ZBTB20: variants seen among roughly 807,000 people sequenced by gnomAD.
The protein encoded by ZBTB20 is zinc finger and BTB domain-containing protein 20.
A neutral mutation model predicts 56.9 loss-of-function variants in ZBTB20; 9 were observed. The observed-to-expected ratio is 0.16, with a 90% CI of 0.10 to 0.28. The LOEUF (loss-of-function observed/expected upper bound fraction) is 0.28, where lower values mean the gene tolerates loss of function less well. ZBTB20 is among the 10% of genes least tolerant of loss of function. The pLI is 1.00. For synonymous variants in ZBTB20, 417 were observed against 420.7 expected (o/e 0.99, Z 0.11); for missense variants, 655 against 1,003.0 (o/e 0.65, Z 4.69).
chr3:114,826,599 A>AG (rs1189091641), intron 4 of ZBTB20, among the ~76,000 whole-genome samples: 6 of 151,732 alleles, frequency 4.0e-5, no homozygotes, highest in Non-Finnish European at 8.9e-5. Flanking sequence ...CTAGAATATC[A>AG]GTCTGACATA....
At chr3:114,543,419 T>A (rs752854389) in intron 6 of ZBTB20, among the ~76,000 whole-genome samples, 1 of 152,100 alleles carries the variant, frequency 6.6e-6, no homozygotes, top group Admixed American at 6.6e-5. Flanking sequence ...TTTCTCTGAA[T>A]AGAGGGGAGC....
At chr3:114,708,130 G>C (rs1387267871) in intron 5 of ZBTB20, among the ~76,000 whole-genome samples, 5 of 152,166 alleles carry the variant, frequency 3.3e-5, no homozygotes, top group Admixed American at 6.6e-5. Context: ...GCATAAGAAA[G>C]AAACGCAATC....
At chr3:114,934,032 A>G (rs975961556) in intron 3 of ZBTB20, among the ~76,000 whole-genome samples, 1 of 152,148 alleles carries the variant, frequency 6.6e-6, no homozygotes, top group Non-Finnish European at 1.5e-5. Flanking sequence ...ATGCAGCATT[A>G]ATCCAGCACC....
intron 2 of ZBTB20, among the ~76,000 whole-genome samples, chr3:115,000,317 A>G (rs994378084): frequency 6.6e-6 from 1 of 151,714 alleles, no homozygotes; most frequent in African/African-American, 2.4e-5. Context: ...TCATTTTTAA[A>G]TTATTTGTAA....
At chr3:114,805,905 T>C (rs1295324175) in intron 4 of ZBTB20, among the ~76,000 whole-genome samples, 3 of 151,902 alleles carry the variant, frequency 2.0e-5, no homozygotes, top group Non-Finnish European at 2.9e-5. Flanking sequence ...GATTCTTTTA[T>C]GTTGTGGCAT....
intron 7 of ZBTB20, among the ~76,000 whole-genome samples, chr3:114,434,558 TTG>T (rs71146320): frequency 3.4e-5 from 5 of 145,940 alleles, no homozygotes; most frequent in African/African-American, 7.7e-5. Flanking sequence ...GTGTGTGTGT[TTG>T]TGTGTGTGTG....
chr3:114,697,087 G>C (rs925299233), intron 5 of ZBTB20, among the ~76,000 whole-genome samples: 3 of 67,246 alleles, frequency 4.5e-5, no homozygotes, highest in Non-Finnish European at 1.0e-4. Context: ...GAAGAAGAAA[G>C]AGAAAAAAAG....
intron 3 of ZBTB20, among the ~76,000 whole-genome samples, chr3:114,971,494 G>A (rs964083293): frequency 3.3e-5 from 5 of 152,194 alleles, no homozygotes; most frequent in African/African-American, 1.2e-4. Context: ...TGTAAAATAG[G>A]TGTTAATAAT....
In ZBTB20 at chr3:114,850,196, G is replaced by A. The variant is rs191276530; in HGVS notation, c.-416-49022C>T. Among the ~76,000 whole-genome samples, 508 of 152,090 alleles carry A rather than the reference G, an allele frequency of 3.3e-3. 3 individuals are homozygous for A. Among genetic ancestry groups the A allele is most frequent in the African/African-American group, 0.012 (484 of 41,494 alleles). Reference sequence around the variant, plus strand: ...ATTACAGGTGTGAGCCACTGCGCCCGGCCAAAATCAGGAAATCTTTCCCAA... The same window carrying A: ...ATTACAGGTGTGAGCCACTGCGCCCAGCCAAAATCAGGAAATCTTTCCCAA... On this transcript the variant is annotated intron_variant, in intron 4 of 11. Coordinates refer to ENST00000675478, the MANE Select transcript of ZBTB20 (RefSeq NM_001348800.3).
intron 7 of ZBTB20, among the ~76,000 whole-genome samples, chr3:114,449,743 T>C (rs2091487131): frequency 6.6e-6 from 1 of 151,936 alleles, no homozygotes; most frequent in Non-Finnish European, 1.5e-5. Flanking sequence ...CTGGTATTAT[T>C]ACAGGCCCAC....
intron 4 of ZBTB20, among the ~76,000 whole-genome samples, chr3:114,822,334 A>G (rs2073300943): frequency 6.6e-6 from 1 of 152,072 alleles, no homozygotes; most frequent in African/African-American, 2.4e-5. Context: ...TTGTCATAAA[A>G]GTAGTAAATA....
At chr3:114,758,762 C>A (rs949352262) in intron 5 of ZBTB20, 2 of 152,160 alleles carry the variant, frequency 1.3e-5, no homozygotes, top group African/African-American at 2.4e-5. Context: ...AAATTTCCAA[C>A]TCAGAAATAC....
chr3:114,738,909 T>C (rs2066378423), intron 5 of ZBTB20, among the ~76,000 whole-genome samples: 1 of 152,202 alleles, frequency 6.6e-6, no homozygotes, highest in Non-Finnish European at 1.5e-5. Context: ...GTACTGTCCA[T>C]AACCAGAAAC....
chr3:114,856,237 T>A (rs888873002), intron 4 of ZBTB20, among the ~76,000 whole-genome samples: 1 of 152,208 alleles, frequency 6.6e-6, no homozygotes, highest in African/African-American at 2.4e-5. Flanking sequence ...TACAAATGAT[T>A]TCCACATACA....
intron 6 of ZBTB20, chr3:114,658,617 T>G (rs1310530998): frequency 6.6e-6 from 1 of 152,188 alleles, no homozygotes; most frequent in Non-Finnish European, 1.5e-5. Context: ...CATGTAAACT[T>G]GCTCTCTATC....
chr3:114,696,496 G>C (rs2063023340), intron 5 of ZBTB20, among the ~76,000 whole-genome samples: 1 of 151,976 alleles, frequency 6.6e-6, no homozygotes, highest in South Asian at 2.1e-4. Flanking sequence ...TTTCTTCTAA[G>C]AGATGCCTAA....
At chr3:114,973,085 T>C (rs1422324873) in intron 3 of ZBTB20, among the ~76,000 whole-genome samples, 3 of 152,210 alleles carry the variant, frequency 2.0e-5, no homozygotes, top group Non-Finnish European at 4.4e-5. Flanking sequence ...AAAATGTATC[T>C]GTACATGTGG....
At chr3:114,944,125 AAAC>A (rs957108774) in intron 3 of ZBTB20, among the ~76,000 whole-genome samples, 10 of 145,686 alleles carry the variant, frequency 6.9e-5, no homozygotes, top group East Asian at 1.9e-4. Flanking sequence ...TAAGAAACCC[AAAC>A]AACAGCAAAA....
At chr3:114,748,701 C>T (rs1182198442) in intron 5 of ZBTB20, among the ~76,000 whole-genome samples, 1 of 152,140 alleles carries the variant, frequency 6.6e-6, no homozygotes, top group African/African-American at 2.4e-5. Context: ...GGCCAGTCTT[C>T]TCACTGCTTC....
Sources: gnomAD v4.1 joint callset for allele counts (sites outside exome capture counted in the v4.1 genomes callset) on GRCh38, gnomAD v4.1.1 for gene constraint, MANE v1.5 for transcripts, NCBI Gene and HGNC (gene_info 2026-07-23, HGNC 2026-07-21) for gene names.